The following EYA4 variants were observed in gnomAD, a reference collection of about 807,000 sequenced individuals.
EYA4 encodes the protein protein phosphatase EYA4.
EYA4 carries 31 observed loss-of-function variants against 87.9 expected under a neutral mutation model. That is an observed-to-expected ratio of 0.35 (90% CI 0.27 to 0.48). The LOEUF is 0.48. Ranked by LOEUF, EYA4 falls within the 20% of genes least tolerant of loss-of-function variation. The probability of loss-of-function intolerance (pLI) is 0.99; values close to 1 mark genes in which losing one functional copy is unlikely to be tolerated. For synonymous variants in EYA4, 263 were observed against 270.6 expected, an observed-to-expected ratio of 0.97 and a Z score of 0.28; for missense variants, 678 against 761.4, an observed-to-expected ratio of 0.89 and a Z score of 1.29.
At chr6:133,493,385 G>T (rs958148999) in intron 13 of EYA4, among the ~76,000 whole-genome samples, 35 of 152,270 alleles carry the variant, frequency 2.3e-4, no homozygotes, top group Non-Finnish European at 4.0e-4. Flanking sequence ...GGATAATGGA[G>T]ATCCACGTGA....
intron 14 of EYA4, among the ~76,000 whole-genome samples, chr6:133,508,343 T>TA (rs1562500306): frequency 4.6e-5 from 7 of 151,474 alleles, no homozygotes; most frequent in African/African-American, 1.2e-4. Flanking sequence ...CAGAATGATT[T>TA]TATATATATA....
chr6:133,351,783 A>G (rs1360961), intron 2 of EYA4, among the ~76,000 whole-genome samples: 6,285 of 152,236 alleles, frequency 0.041, 424 homozygotes, highest in African/African-American at 0.14. Flanking sequence ...TTCCCATAAC[A>G]TTTTATTATG....
intron 2 of EYA4, among the ~76,000 whole-genome samples, chr6:133,300,354 C>T (rs1176048913): frequency 1.3e-5 from 2 of 151,932 alleles, no homozygotes; most frequent in African/African-American, 4.8e-5. Flanking sequence ...ATTCTGTCAT[C>T]ATCTACTGTT....
At chr6:133,323,044 T>C (rs1368762031) in intron 2 of EYA4, among the ~76,000 whole-genome samples, 1 of 151,318 alleles carries the variant, frequency 6.6e-6, no homozygotes. Context: ...TTTTATTCTC[T>C]ATATCTATGT....
intron 3 of EYA4, among the ~76,000 whole-genome samples, chr6:133,412,132 T>C (rs1789295765): frequency 6.6e-6 from 1 of 152,226 alleles, no homozygotes; most frequent in Admixed American, 6.5e-5. Context: ...CTATTAAAAG[T>C]TTAATGCAGC....
chr6:133,374,554 T>C (rs1785523774), intron 2 of EYA4, among the ~76,000 whole-genome samples: 1 of 152,066 alleles, frequency 6.6e-6, no homozygotes, highest in Non-Finnish European at 1.5e-5. Flanking sequence ...ATAGTATCTT[T>C]GATGTGTAGC....
chr6:133,268,102 G>T (rs554830810), intron 1 of EYA4, among the ~76,000 whole-genome samples: 1 of 152,168 alleles, frequency 6.6e-6, no homozygotes, highest in South Asian at 2.1e-4. Context: ...GAAAGTGAAC[G>T]CTTTTCCATA....
intron 2 of EYA4, among the ~76,000 whole-genome samples, chr6:133,329,190 CT>C (rs35171892): frequency 6.6e-6 from 1 of 151,984 alleles, no homozygotes; most frequent in African/African-American, 2.4e-5. Context: ...ATCATCCAAA[CT>C]TTTTAAAGTT....
At chr6:133,416,970 GC>G (rs1383578580) in intron 3 of EYA4, among the ~76,000 whole-genome samples, 3 of 152,196 alleles carry the variant, frequency 2.0e-5, no homozygotes, top group Non-Finnish European at 4.4e-5. Context: ...AACACCTACT[GC>G]CCATGTGAAG....
At chr6:133,288,977 A>G (rs1031943509) in intron 2 of EYA4, among the ~76,000 whole-genome samples, 8 of 152,302 alleles carry the variant, frequency 5.3e-5, no homozygotes, top group African/African-American at 1.9e-4. Context: ...GGCATCCCAG[A>G]GATTCAATTT....
chr6:133,353,417 G>A (rs1159149196), intron 2 of EYA4, among the ~76,000 whole-genome samples: 2 of 152,120 alleles, frequency 1.3e-5, no homozygotes, highest in African/African-American at 2.4e-5. Context: ...AGGTAAGAAT[G>A]AAAGAAATGT....
chr6:133,476,063 G>A (rs1795699777), intron 11 of EYA4, among the ~76,000 whole-genome samples: 1 of 152,070 alleles, frequency 6.6e-6, no homozygotes, highest in Admixed American at 6.6e-5. Flanking sequence ...GTGCAGTGAT[G>A]GGCACCCGTA....
At chr6:133,386,281 A>G (rs1786739951) in intron 3 of EYA4, among the ~76,000 whole-genome samples, 1 of 152,144 alleles carries the variant, frequency 6.6e-6, no homozygotes, top group African/African-American at 2.4e-5. Context: ...CATTTGACTC[A>G]TCACCGAAAA....
chr6:133,362,038 G>A (rs1251646453), intron 2 of EYA4, among the ~76,000 whole-genome samples: 1 of 152,208 alleles, frequency 6.6e-6, no homozygotes, highest in Non-Finnish European at 1.5e-5. Context: ...AAGGAAATTT[G>A]TAACCACTAT....
At chr6:133,308,145 T>C (rs916232681) in intron 2 of EYA4, among the ~76,000 whole-genome samples, 7 of 152,176 alleles carry the variant, frequency 4.6e-5, no homozygotes, top group Admixed American at 4.6e-4. Flanking sequence ...TTCTTTTTCT[T>C]TATAGATTCC....
chr6:133,289,534 A>G (rs1383197375), intron 2 of EYA4, among the ~76,000 whole-genome samples: 2 of 152,190 alleles, frequency 1.3e-5, no homozygotes, highest in Non-Finnish European at 2.9e-5. Flanking sequence ...TTGTATTGAA[A>G]CAATTAAGAA....
At chr6:133,468,441 C>T (rs1795034988) in intron 10 of EYA4, 125 bp from the exon 11 acceptor site, 1 of 792,048 alleles carries the variant, frequency 1.3e-6, no homozygotes, top group African/African-American at 1.7e-5. Context: ...CACCTCAAAG[C>T]TGTGGACTCA....
At chr6:133,525,073 TG>T (rs1562520045) in intron 18 of EYA4, 80 bp from the exon 19 acceptor site, 2 of 1,613,688 alleles carry the variant, frequency 1.2e-6, no homozygotes, top group Non-Finnish European at 1.7e-6. Context: ...TAACTTATGT[TG>T]TGATTGGAGA....
chr6:133,381,966 G>A (rs1450987282), intron 2 of EYA4, among the ~76,000 whole-genome samples: 1 of 152,170 alleles, frequency 6.6e-6, no homozygotes, highest in Non-Finnish European at 1.5e-5. Context: ...GAAAATTAGT[G>A]TATGAACATT....
Sources: gnomAD v4.1 joint callset for allele counts (sites outside exome capture counted in the v4.1 genomes callset) on GRCh38, gnomAD v4.1.1 for gene constraint, MANE v1.5 for transcripts, NCBI Gene and HGNC (gene_info 2026-07-23, HGNC 2026-07-21) for gene names.